GPHN: variants seen among roughly 807,000 people sequenced by gnomAD.
GPHN encodes gephyrin.
GPHN carries 17 observed loss-of-function variants against 95.5 expected under a neutral mutation model. That is an observed-to-expected ratio of 0.18 (90% CI 0.12 to 0.27). GPHN has a LOEUF of 0.27. Ranked by LOEUF, GPHN falls within the 10% of genes least tolerant of loss-of-function variation. The pLI is 1.00. For missense variants in GPHN, 660 were observed against 978.1 expected (o/e 0.67, Z 4.34); for synonymous variants, 320 against 322.5 (o/e 0.99, Z 0.08).
intron 1 of GPHN, among the ~76,000 whole-genome samples, chr14:66,536,328 TATCCTTA>T (rs2059143214): frequency 6.6e-6 from 1 of 152,222 alleles, no homozygotes; most frequent in African/African-American, 2.4e-5. Context: ...CATATGGTTG[TATCCTTA>T]ATTCTGTGAT....
chr14:67,333,009 T>C, the GPHN span: 6 of 1,510,832 alleles, frequency 4.0e-6, no homozygotes, highest in East Asian at 2.3e-5. Flanking sequence ...AAACTGCCAA[T>C]AGGAGGACTG....
the GPHN span, chr14:67,685,079 C>CT: frequency 6.2e-7 from 1 of 1,614,116 alleles, no homozygotes; most frequent in Non-Finnish European, 8.5e-7. Context: ...CTGGTCTGGG[C>CT]TCCCTGCTGA....
intron 10 of GPHN, among the ~76,000 whole-genome samples, chr14:67,048,364 C>G (rs2075138774): frequency 6.6e-6 from 1 of 152,130 alleles, no homozygotes; most frequent in African/African-American, 2.4e-5. Flanking sequence ...ATATAGTCAA[C>G]CTCATCTCTG....
At chr14:67,352,422 G>A in the GPHN span, among the ~76,000 whole-genome samples, 1 of 145,202 alleles carries the variant, frequency 6.9e-6, no homozygotes, top group Admixed American at 7.0e-5. Context: ...GTAAGACCTT[G>A]CCTCAAAAAA....
At chr14:67,363,147 A>T in the GPHN span, among the ~76,000 whole-genome samples, 1 of 152,078 alleles carries the variant, frequency 6.6e-6, no homozygotes, top group East Asian at 1.9e-4. Context: ...CCCAATTTGA[A>T]ACTTTTTAGC....
At chr14:66,628,896 CA>C (rs1185255075) in intron 1 of GPHN, among the ~76,000 whole-genome samples, 3 of 150,144 alleles carry the variant, frequency 2.0e-5, no homozygotes, top group East Asian at 1.9e-4. Flanking sequence ...CTTATCTATA[CA>C]AAAAAATAAT....
intron 2 of GPHN, among the ~76,000 whole-genome samples, chr14:66,733,734 T>A (rs2072009862): frequency 6.6e-6 from 1 of 152,170 alleles, no homozygotes; most frequent in African/African-American, 2.4e-5. Flanking sequence ...AGCACTCTAA[T>A]TTGTATATAA....
At chr14:67,688,872 T>A in the GPHN span, among the ~76,000 whole-genome samples, 2 of 152,168 alleles carry the variant, frequency 1.3e-5, no homozygotes, top group Non-Finnish European at 1.5e-5. Context: ...ACTATACCTA[T>A]CTTGTTCACC....
chr14:67,040,178 A>T (rs1400565204), intron 10 of GPHN, among the ~76,000 whole-genome samples: 1 of 152,182 alleles, frequency 6.6e-6, no homozygotes, highest in Non-Finnish European at 1.5e-5. Flanking sequence ...AAATTTTGAA[A>T]TAATTTCAAA....
At chr14:67,250,668 G>A in the GPHN span, among the ~76,000 whole-genome samples, 7 of 152,324 alleles carry the variant, frequency 4.6e-5, no homozygotes, top group East Asian at 1.2e-3. Context: ...TCTGATCCAG[G>A]TGATTCATCG....
At chr14:66,932,449 T>TG (rs1567118255) in intron 8 of GPHN, among the ~76,000 whole-genome samples, 16 of 98,636 alleles carry the variant, frequency 1.6e-4, no homozygotes, top group Middle Eastern at 4.6e-3. Context: ...ACCAGGTTTT[T>TG]TTTTTTTTTT....
chr14:66,761,174 C>T lies in GPHN; in HGVS notation c.144-15290C>T, dbSNP rs569293425. On this transcript the variant is annotated intron_variant, in intron 2 of 22. Transcript: ENST00000478722. Reference sequence around the variant, plus strand: ...TCCATCTACAAAACATCAGATATTACGGATATTAGATTGCATCTCAGTGCT... The same window carrying T: ...TCCATCTACAAAACATCAGATATTATGGATATTAGATTGCATCTCAGTGCT... Among the ~76,000 whole-genome samples, 139 of 152,154 alleles carry T rather than the reference C, an allele frequency of 9.1e-4. 1 individual carries two copies. The highest frequency in any genetic ancestry group is 2.9e-3 in the African/African-American group (122 of 41,502).
intron 8 of GPHN, among the ~76,000 whole-genome samples, chr14:66,963,714 A>G (rs2069123267): frequency 6.6e-6 from 1 of 152,116 alleles, no homozygotes; most frequent in African/African-American, 2.4e-5. Context: ...TTGCTTCTCA[A>G]AATTCCTACT....
the GPHN span, among the ~76,000 whole-genome samples, chr14:67,318,035 C>T: frequency 6.6e-6 from 1 of 152,218 alleles, no homozygotes; most frequent in Non-Finnish European, 1.5e-5. Flanking sequence ...TCTAGTTTAA[C>T]AGTCTCTACC....
At chr14:66,903,138 T>C (rs1377384515) in intron 5 of GPHN, among the ~76,000 whole-genome samples, 2 of 152,222 alleles carry the variant, frequency 1.3e-5, no homozygotes, top group Non-Finnish European at 1.5e-5. Context: ...TATAGTTTAA[T>C]TTGGATGGTT....
At chr14:67,383,244 G>A in the GPHN span, 1 of 1,518,758 alleles carries the variant, frequency 6.6e-7, no homozygotes, top group Admixed American at 1.9e-5. Context: ...ACATTAGGCA[G>A]TAATAGTATT....
intron 1 of GPHN, among the ~76,000 whole-genome samples, chr14:66,562,277 C>G (rs963305360): frequency 6.6e-6 from 1 of 152,088 alleles, no homozygotes; most frequent in African/African-American, 2.4e-5. Context: ...AGTGTGATGA[C>G]TCTAGTATTG....
In GPHN at chr14:66,836,546, G is replaced by T. The variant is rs1383082812; in HGVS notation, c.294+11980G>T. Among the ~76,000 whole-genome samples the T allele has an allele frequency of 1.5e-4, 20 of 137,130 alleles. No individual in the cohort carries two copies. In the South Asian group the frequency reaches 5.0e-3, roughly 34 times the overall value. 90.0% of individuals were successfully genotyped at this position (137,130 alleles called of 152,430 possible). Reference sequence around the variant, plus strand: ...ACATAGGCATGGGCAAGGACTTCATGTCTAAAACACCAAAAGCAATGGCAA... The same window carrying T: ...ACATAGGCATGGGCAAGGACTTCATTTCTAAAACACCAAAAGCAATGGCAA... On this transcript the variant is annotated intron_variant, in intron 4 of 22. Transcript: ENST00000478722.
intron 4 of GPHN, among the ~76,000 whole-genome samples, chr14:66,862,081 C>T (rs542776009): frequency 6.6e-6 from 1 of 151,942 alleles, no homozygotes; most frequent in South Asian, 2.1e-4. Flanking sequence ...GCAAGATTGA[C>T]AAACCTTTAA....
Sources: gnomAD v4.1 joint callset for allele counts (sites outside exome capture counted in the v4.1 genomes callset) on GRCh38, gnomAD v4.1.1 for gene constraint, MANE v1.5 for transcripts, NCBI Gene and HGNC (gene_info 2026-07-23, HGNC 2026-07-21) for gene names.